Variants in RIMBP2 observed in about 807,000 individuals in gnomAD.
The protein encoded by RIMBP2 is RIMS binding protein 2, also known as RIMS-binding protein 2.
In RIMBP2, 48 loss-of-function variants were observed where a neutral mutation model predicts 118.6. The ratio of observed to expected loss-of-function variants is 0.40; its 90% CI spans 0.32 to 0.51. RIMBP2 has a LOEUF of 0.51. RIMBP2 is among the 20% of genes least tolerant of loss of function. RIMBP2 has a pLI of 0.41. For synonymous variants in RIMBP2, 762 were observed against 742.9 expected, an observed-to-expected ratio of 1.03 and a Z score of -0.42; for missense variants, 1,551 against 1,768.3, an observed-to-expected ratio of 0.88 and a Z score of 2.20.
At chr12:130,587,685 G>A (rs1202793312) in intron 2 of RIMBP2, among the ~76,000 whole-genome samples, 5 of 69,692 alleles carry the variant, frequency 7.2e-5, no homozygotes, top group East Asian at 8.9e-4. Context: ...GTGGTGGGGT[G>A]GGGGGAGGGG....
intron 2 of RIMBP2, among the ~76,000 whole-genome samples, chr12:130,587,038 C>G (rs2058933600): frequency 8.5e-6 from 1 of 117,818 alleles, no homozygotes; most frequent in Non-Finnish European, 1.7e-5. Flanking sequence ...AGACACTTCT[C>G]AAAAGAAGAC....
At chr12:130,441,353 A>G (rs1376008040) in intron 11 of RIMBP2, among the ~76,000 whole-genome samples, 1 of 151,114 alleles carries the variant, frequency 6.6e-6, no homozygotes, top group African/African-American at 2.4e-5. Context: ...GTGAGCTGAG[A>G]TTGCACCACT....
chr12:130,474,502 G>A (rs1422010259), intron 5 of RIMBP2, among the ~76,000 whole-genome samples: 2 of 152,228 alleles, frequency 1.3e-5, no homozygotes, highest in African/African-American at 4.8e-5. Flanking sequence ...GTGCCAACAG[G>A]TGGAGGTGGG....
At chr12:130,716,051 GC>G (rs1950307198) in intron 1 of RIMBP2, among the ~76,000 whole-genome samples, 170 bp downstream of exon 1, 1 of 152,068 alleles carries the variant, frequency 6.6e-6, no homozygotes, top group Non-Finnish European at 1.5e-5. Context: ...CGCACCCAGC[GC>G]CCCCGGACCC....
intron 2 of RIMBP2, among the ~76,000 whole-genome samples, chr12:130,531,064 GA>G (rs375004370): frequency 1.7e-4 from 26 of 152,302 alleles, no homozygotes; most frequent in African/African-American, 5.8e-4. Flanking sequence ...CCAAGTATTA[GA>G]AAATGTGTCC....
At chr12:130,654,525 G>A (rs2063347299) in intron 1 of RIMBP2, among the ~76,000 whole-genome samples, 1 of 152,182 alleles carries the variant, frequency 6.6e-6, no homozygotes. Flanking sequence ...TCTCCAAGGA[G>A]TTCCAAACAA....
chr12:130,657,596 C>A (rs539829878), intron 1 of RIMBP2, among the ~76,000 whole-genome samples: 160 of 152,250 alleles, frequency 1.1e-3, no homozygotes, highest in African/African-American at 3.8e-3. Context: ...GTCCAGGGCA[C>A]AGGGGAGAAG....
At position 130,622,442 on chromosome 12, in the gene RIMBP2, T is replaced by C. The variant is rs1415282204; in HGVS notation, c.-217+5880A>G. Among the ~76,000 whole-genome samples, 1 of 152,172 alleles carries C rather than the reference T, an allele frequency of 6.6e-6. No homozygotes were observed. Among genetic ancestry groups the C allele is most frequent in the Non-Finnish European group, 1.5e-5 (1 of 68,040 alleles). ...CTAGTTATTTTGTACATAAATTCAC[T>C]ATTCACTAATTGTACGTATAATTCT... On this transcript the variant is annotated intron_variant, in intron 2 of 22. Coordinates refer to ENST00000690449, the MANE Select transcript of RIMBP2 (RefSeq NM_001393629.1). This position sits in a 1 kb window ranked among gnomAD's most constrained non-coding sequence, Gnocchi z 8.5.
intron 6 of RIMBP2, among the ~76,000 whole-genome samples, chr12:130,461,765 T>TC: frequency 6.6e-6 from 1 of 152,038 alleles, no homozygotes; most frequent in Non-Finnish European, 1.5e-5. Flanking sequence ...ACACGCCTGA[T>TC]CCCCCTTTGC....
chr12:130,415,960 C>CACAT (rs763633862), intron 17 of RIMBP2, among the ~76,000 whole-genome samples: 1 of 49,260 alleles, frequency 2.0e-5, no homozygotes, highest in Non-Finnish European at 3.8e-5. Context: ...TGACAATAGC[C>CACAT]ACACACACAC....
intron 11 of RIMBP2, among the ~76,000 whole-genome samples, chr12:130,439,298 T>G (rs1044953586): frequency 8.6e-5 from 13 of 150,374 alleles, no homozygotes; most frequent in African/African-American, 2.5e-4. Flanking sequence ...TATATGTGGG[T>G]GTGTGTGTGG....
intron 4 of RIMBP2, among the ~76,000 whole-genome samples, chr12:130,497,839 A>G (rs1297381904): frequency 6.6e-6 from 1 of 152,220 alleles, no homozygotes; most frequent in Non-Finnish European, 1.5e-5. Flanking sequence ...CTCCTGTGCC[A>G]GGACCTAAGA....
chr12:130,624,883 C>A (rs1226771222), intron 2 of RIMBP2, among the ~76,000 whole-genome samples: 2 of 152,124 alleles, frequency 1.3e-5, no homozygotes, highest in African/African-American at 4.8e-5. Flanking sequence ...CGACCCCACG[C>A]CCAGCTAATT....
At chr12:130,663,286 G>C (rs1342915716) in intron 1 of RIMBP2, among the ~76,000 whole-genome samples, 1 of 152,174 alleles carries the variant, frequency 6.6e-6, no homozygotes, top group Non-Finnish European at 1.5e-5. Context: ...AGACAGCCCT[G>C]TCCATGCGCC....
At chr12:130,438,604 A>C in intron 11 of RIMBP2, 88 bp from the exon 12 acceptor site, 1 of 1,180,586 alleles carries the variant, frequency 8.5e-7, no homozygotes, top group South Asian at 1.6e-5. Flanking sequence ...TCACCTGGAA[A>C]CGAGATCATT....
intron 5 of RIMBP2, among the ~76,000 whole-genome samples, chr12:130,478,700 T>A (rs2081658935): frequency 6.6e-6 from 1 of 152,212 alleles, no homozygotes; most frequent in South Asian, 2.1e-4. Flanking sequence ...GAGCTTTGCA[T>A]CTGCTTTCGC....
chr12:130,399,704 G>C lies in RIMBP2; in HGVS notation c.3875C>G (p.Thr1292Arg). The C allele has an allele frequency of 6.2e-7, 1 of 1,614,160 alleles. No individual in the cohort carries two copies. Among genetic ancestry groups the C allele is most frequent in the Non-Finnish European group, 8.5e-7 (1 of 1,180,000 alleles). Reference protein sequence around the residue: ...SDAPSHYSQDTPMRSKAKRVP... With the variant: ...SDAPSHYSQDRPMRSKAKRVP... ...CCTTTTTGCCTTTGAGCGCATTGGCGTATCTTGAGAGTAGTGGGATGGAGC... is the reference window on the plus strand; with the variant it reads ...CCTTTTTGCCTTTGAGCGCATTGGCCTATCTTGAGAGTAGTGGGATGGAGC... The change falls in exon 22 of 23, where the codon ACG becomes AGG. Residue 1292 changes from threonine (T) to arginine (R), a missense_variant. This residue lies in a region of RIMBP2 where 1,038 missense variants were observed against 1,125.1 expected (regional missense o/e 0.92). Transcript: ENST00000690449.
At chr12:130,498,597 G>GA (rs960664178) in intron 4 of RIMBP2, among the ~76,000 whole-genome samples, 1 of 114,986 alleles carries the variant, frequency 8.7e-6, no homozygotes, top group African/African-American at 3.3e-5. Flanking sequence ...AATAAGCCAG[G>GA]AATCAGAAAT....
At chr12:130,686,394 G>A (rs1055526824) in intron 1 of RIMBP2, among the ~76,000 whole-genome samples, 2 of 152,336 alleles carry the variant, frequency 1.3e-5, no homozygotes, top group African/African-American at 4.8e-5. Flanking sequence ...CCAGGAAAGC[G>A]CAGCAGCACT....
Sources: allele counts gnomAD v4.1 joint callset (sites outside exome capture counted in the v4.1 genomes callset), GRCh38; gene constraint gnomAD v4.1.1; regional missense constraint gnomAD v4.1.1; non-coding constraint Gnocchi (gnomAD v3.1); transcripts MANE v1.5; gene names NCBI Gene and HGNC (gene_info 2026-07-23, HGNC 2026-07-21).